CAMSAP2: variants seen among roughly 807,000 people sequenced by gnomAD.
The protein encoded by CAMSAP2 is calmodulin-regulated spectrin-associated protein 2.
CAMSAP2 carries 26 observed loss-of-function variants against 146.1 expected under a neutral mutation model. That is an observed-to-expected ratio of 0.18 (90% CI 0.13 to 0.25). The LOEUF is 0.25. Among genes scored for constraint, CAMSAP2 ranks in the 10% least tolerant of loss-of-function variants. The pLI is 1.00. For missense variants in CAMSAP2, 1,381 were observed against 1,759.3 expected, an observed-to-expected ratio of 0.78 and a Z score of 3.85; for synonymous variants, 499 against 596.6, an observed-to-expected ratio of 0.84 and a Z score of 2.38.
At chr1:200,806,031 G>A (rs1571774872) in intron 2 of CAMSAP2, among the ~76,000 whole-genome samples, 2 of 152,162 alleles carry the variant, frequency 1.3e-5, no homozygotes, top group African/African-American at 4.8e-5. Context: ...CTATATTTTG[G>A]GGTTGGAGAA....
At chr1:200,759,200 ACT>A (rs1664730668) in intron 1 of CAMSAP2, among the ~76,000 whole-genome samples, 1 of 141,224 alleles carries the variant, frequency 7.1e-6, no homozygotes, top group Non-Finnish European at 1.6e-5. Flanking sequence ...TTTTTTCCCT[ACT>A]CTTTCTCTCC....
Position 200,848,182 on chromosome 1 carries a change from T to A in CAMSAP2, c.1413T>A (p.Asn471Lys). 6.2e-7 allele frequency: 1 copy of A among 1,613,728 alleles called. No individual in the cohort carries two copies. Among genetic ancestry groups the A allele is most frequent in the Non-Finnish European group, 8.5e-7 (1 of 1,179,834 alleles). The change falls in exon 11 of 17, where the codon AAT (asparagine) becomes AAA (lysine). Residue 471 changes from asparagine to lysine, a missense_variant. By Grantham distance (94) the Asn-to-Lys change is moderately conservative (BLOSUM62 0). Transcript: ENST00000358823. The stretch of plus-strand genomic sequence containing the variant: ...ATGTATCTAAACACATTAGGAAAAA[T>A]TTGTCCTTCAAGCCAATAAATGGAG... ...NSHVSKHIRK[N>K]LSFKPINGEE...
intron 2 of CAMSAP2, among the ~76,000 whole-genome samples, chr1:200,796,411 A>G (rs1024360837): frequency 4.6e-5 from 7 of 152,130 alleles, no homozygotes; most frequent in African/African-American, 1.2e-4. Flanking sequence ...AAGTCCTCCT[A>G]CTTTGTTCCC....
At chr1:200,776,253 G>A (rs540292570) in intron 2 of CAMSAP2, among the ~76,000 whole-genome samples, 16 of 152,294 alleles carry the variant, frequency 1.1e-4, no homozygotes, top group African/African-American at 3.8e-4. Flanking sequence ...AAATACTTGA[G>A]AGAACTAGGC....
rs373551785 is a variant in CAMSAP2 at position 200,784,607 on chromosome 1, T to C, written c.400-22769T>C. Among the ~76,000 whole-genome samples the C allele has an allele frequency of 2.0e-3, 298 of 152,348 alleles. 3 individuals are homozygous for C. The highest frequency in any genetic ancestry group is 7.0e-3 in the African/African-American group (291 of 41,582). ...TGAATTTTGAACATTTTTTTTATCC[T>C]GTGACCTTGCTATATACATTTATTC... On this transcript the variant is annotated intron_variant, in intron 2 of 16. Transcript: ENST00000358823.
At chr1:200,816,510 C>T (rs1349701852) in intron 4 of CAMSAP2, among the ~76,000 whole-genome samples, 1 of 148,680 alleles carries the variant, frequency 6.7e-6, no homozygotes, top group Non-Finnish European at 1.5e-5. Context: ...AGGAGAATCG[C>T]TTGAACCCAG....
At chr1:200,829,541 A>C (rs1341757984) in intron 4 of CAMSAP2, among the ~76,000 whole-genome samples, 1 of 152,228 alleles carries the variant, frequency 6.6e-6, no homozygotes, top group Non-Finnish European at 1.5e-5. Flanking sequence ...ATTTGACTTA[A>C]AGATTGATCT....
In CAMSAP2 at chr1:200,844,866, C is replaced by T. The variant is rs1349151768; in HGVS notation, c.1106C>T (p.Ser369Leu). Reference protein sequence around the residue: ...NVLDSSSDFPSSGEGATFTQS... With the variant: ...NVLDSSSDFPLSGEGATFTQS... ...TTAGATAGTAGTTCTGACTTCCCTTCAAGGTAAACTCCACAATGACTTTAT... is the reference window on the plus strand; with the variant it reads ...TTAGATAGTAGTTCTGACTTCCCTTTAAGGTAAACTCCACAATGACTTTAT... The change falls in exon 8 of 17, where the codon TCA becomes TTA. Residue 369 changes from serine (S) to leucine (L), a missense_variant. By Grantham distance (145) the Ser-to-Leu change is moderately radical. Coordinates refer to ENST00000358823, the MANE Select transcript of CAMSAP2 (RefSeq NM_203459.4). 3.9e-6 allele frequency: 6 copies of T among 1,550,702 alleles called. No individual in the cohort carries two copies. The highest frequency in any genetic ancestry group is 5.3e-6 in the Non-Finnish European group (6 of 1,138,630).
chr1:200,748,356 C>T (rs1364930671), intron 1 of CAMSAP2, among the ~76,000 whole-genome samples: 1 of 152,176 alleles, frequency 6.6e-6, no homozygotes, highest in African/African-American at 2.4e-5. Context: ...GTGGCACAGC[C>T]ATCACAGCAC....
intron 4 of CAMSAP2, chr1:200,828,435 A>T: frequency 1.3e-6 from 1 of 744,550 alleles, no homozygotes. Context: ...ATTTATTAAC[A>T]TATGAAATGT....
At chr1:200,822,174 A>G (rs909944983) in intron 4 of CAMSAP2, among the ~76,000 whole-genome samples, 2 of 149,768 alleles carry the variant, frequency 1.3e-5, no homozygotes, top group Non-Finnish European at 3.0e-5. Context: ...ACACACACAC[A>G]CGTAAATTGT....
chr1:200,814,340 C>T (rs537634930), intron 3 of CAMSAP2, among the ~76,000 whole-genome samples: 6 of 152,008 alleles, frequency 3.9e-5, no homozygotes, highest in Non-Finnish European at 5.9e-5. Flanking sequence ...GGCATGGTGG[C>T]TCATGCCTTT....
chr1:200,812,214 T>G (rs1666351654), intron 3 of CAMSAP2, among the ~76,000 whole-genome samples: 1 of 152,210 alleles, frequency 6.6e-6, no homozygotes, highest in Admixed American at 6.5e-5. Context: ...GTGCCTACGA[T>G]GACCTTCTTC....
chr1:200,816,915 T>C (rs566154828), intron 4 of CAMSAP2, among the ~76,000 whole-genome samples: 1 of 79,570 alleles, frequency 1.3e-5, no homozygotes, highest in Non-Finnish European at 2.5e-5. Flanking sequence ...CACGCGTGTG[T>C]ATGTGTGTAC....
At chr1:200,813,205 G>A (rs1666382963) in intron 3 of CAMSAP2, among the ~76,000 whole-genome samples, 1 of 152,156 alleles carries the variant, frequency 6.6e-6, no homozygotes, top group African/African-American at 2.4e-5. Flanking sequence ...TCCTCACGTG[G>A]CCGAAAGGGC....
Position 200,860,292 on chromosome 1 carries a change from T to C in CAMSAP2, c.*2233T>C, listed in dbSNP as rs1192107984. On this transcript the variant is annotated 3_prime_UTR_variant, in exon 17 of 17. Transcript: ENST00000358823. ...TGCCATTTCATAAAGTCTGAGGATT[T>C]TCGTCAACCTTACTGAAACACACTG... 1 of 152,792 alleles carries C rather than the reference T, an allele frequency of 6.5e-6. No individual in the cohort carries two copies. The highest frequency in any genetic ancestry group is 1.5e-5 in the Non-Finnish European group (1 of 68,022). The allele number at this position is 152,792 out of a possible 1,614,324, so 9.5% of individuals were successfully genotyped here. A position where few individuals can be genotyped will look rare whatever the true frequency, so the allele number is the denominator to read the frequency against.
chr1:200,854,789 G>A, intron 13 of CAMSAP2, 28 bp from the exon 14 acceptor site: 1 of 1,583,516 alleles, frequency 6.3e-7, no homozygotes. Context: ...TTTTTATTCA[G>A]GATCATGAAT....
intron 4 of CAMSAP2, among the ~76,000 whole-genome samples, chr1:200,823,627 C>T (rs759418102): frequency 2.6e-5 from 4 of 152,070 alleles, no homozygotes; most frequent in African/African-American, 9.7e-5. Flanking sequence ...TATTGTATCA[C>T]GGGGTACATG....
chr1:200,829,975 A>G (rs1667001259), intron 4 of CAMSAP2, among the ~76,000 whole-genome samples: 1 of 152,254 alleles, frequency 6.6e-6, no homozygotes, highest in Admixed American at 6.5e-5. Flanking sequence ...CAACAAAAAA[A>G]AGGAGAAGAA....
Sources: allele counts gnomAD v4.1 joint callset (sites outside exome capture counted in the v4.1 genomes callset), GRCh38; gene constraint gnomAD v4.1.1; transcripts MANE v1.5; gene names NCBI Gene and HGNC (gene_info 2026-07-23, HGNC 2026-07-21).